Variants in SYNE2 observed in about 807,000 individuals in gnomAD.
SYNE2 encodes spectrin repeat containing nuclear envelope protein 2, also known as nesprin-2.
A neutral mutation model predicts 856.3 loss-of-function variants in SYNE2; 431 were observed. The observed-to-expected ratio is 0.50, with a 90% CI of 0.47 to 0.55. SYNE2 has a LOEUF of 0.55. Ranked by LOEUF, SYNE2 falls within the 20% of genes least tolerant of loss-of-function variation. SYNE2 has a pLI of 0.00. For synonymous variants in SYNE2, 2,923 were observed against 2,872.3 expected, an observed-to-expected ratio of 1.02 and a Z score of -0.56; for missense variants, 8,129 against 8,023.2, an observed-to-expected ratio of 1.01 and a Z score of -0.50.
intron 27 of SYNE2, 94 bp from the exon 28 acceptor site, chr14:64,000,468 T>C (rs1381824124): frequency 1.2e-5 from 14 of 1,161,158 alleles, no homozygotes; most frequent in Non-Finnish European, 1.8e-5. Flanking sequence ...TTGTGTTTGC[T>C]TCCACAGTTG....
At chr14:64,138,912 T>TTG (rs143789075) in intron 79 of SYNE2, among the ~76,000 whole-genome samples, 23,557 of 144,218 alleles carry the variant, frequency 0.16, 2,151 homozygotes, top group East Asian at 0.35. Flanking sequence ...CAAATGCTGG[T>TTG]TGTGTGTGTG....
chr14:63,867,311 A>G (rs1895615485), intron 1 of SYNE2, among the ~76,000 whole-genome samples: 1 of 152,046 alleles, frequency 6.6e-6, no homozygotes, highest in African/African-American at 2.4e-5. Flanking sequence ...TAACAGATTA[A>G]TATAGTTACC....
Position 64,223,339 on chromosome 14 carries a change from G to A in SYNE2, c.20341G>A (p.Glu6781Lys). The A allele has an allele frequency of 6.2e-7, 1 of 1,614,118 alleles. No individual in the cohort carries two copies. Among genetic ancestry groups the A allele is most frequent in the Non-Finnish European group, 8.5e-7 (1 of 1,180,004 alleles). The part of the protein sequence containing the change: ...VIEKKLKQLR[E>K]QVSQDLMALQ... ...TGAGAAGAAACTCAAACAGTTACGG[G>A]AGCAAGTGTCCCAAGATTTAATGGC... The change falls in exon 113 of 116, where the codon GAG becomes AAG. Residue 6781 changes from glutamate to lysine, a missense_variant. By Grantham distance (56) the Glu-to-Lys change is moderately conservative. Coordinates refer to ENST00000555002, the MANE Select transcript of SYNE2 (RefSeq NM_182914.3).
intron 100 of SYNE2, among the ~76,000 whole-genome samples, chr14:64,206,192 A>G (rs903262710): frequency 1.3e-5 from 2 of 152,004 alleles, no homozygotes; most frequent in African/African-American, 4.8e-5. Context: ...TTCCTCCCCA[A>G]CCTCAGGGTT....
Position 64,219,426 on chromosome 14 carries a change from G to A in SYNE2, c.19860+16G>A. The A allele has an allele frequency of 6.2e-7, 1 of 1,613,070 alleles. No homozygotes were observed. The highest frequency in any genetic ancestry group is 1.1e-5 in the South Asian group (1 of 90,992). On this transcript the variant is annotated intron_variant, in intron 110 of 115. Transcript: ENST00000555002. ...GAGACTGCAGGTGAGTTAGAGGTGT[G>A]GTGGGGAAGAGGGATTCAGAATGTG...
intron 1 of SYNE2, among the ~76,000 whole-genome samples, chr14:63,771,742 A>G (rs531632409): frequency 5.6e-4 from 85 of 152,212 alleles, no homozygotes; most frequent in Non-Finnish European, 9.7e-4. Context: ...TACTAAAAAA[A>G]TAACGAAAAT....
intron 6 of SYNE2, among the ~76,000 whole-genome samples, chr14:63,943,540 A>G (rs1012370964): frequency 4.6e-5 from 7 of 152,298 alleles, no homozygotes; most frequent in African/African-American, 1.7e-4. Context: ...ATGGAATAAT[A>G]TGCATGAGAT....
chr14:63,994,019 T>C, intron 22 of SYNE2, 50 bp downstream of exon 22: 2 of 1,595,718 alleles, frequency 1.3e-6, no homozygotes, highest in Non-Finnish European at 1.7e-6. Context: ...TGTCTGATCC[T>C]GGGCTGTTGG....
chr14:63,997,273 T>A (rs1594758389), intron 24 of SYNE2, 28 bp from the exon 25 acceptor site: 1 of 1,605,160 alleles, frequency 6.2e-7, no homozygotes. Context: ...TACCCTCTTT[T>A]AAACATGCAA....
Position 64,009,978 on chromosome 14 carries a change from T to C in SYNE2, c.4590T>C (p.Cys1530=). 5.0e-6 allele frequency: 8 copies of C among 1,613,760 alleles called. No individual in the cohort carries two copies. The highest frequency in any genetic ancestry group is 6.8e-6 in the Non-Finnish European group (8 of 1,179,854). The change falls in exon 32 of 116, where the codon TGT becomes TGC. Residue 1530 remains cysteine, a synonymous_variant. Transcript: ENST00000555002. ...KALVTECLEQ[C]GRVLELLKQY... is the part of the protein sequence containing the mutation. ...TTTCTATTCTTAGTCTTGAACAATG[T>C]GGGAGAGTTTTGGAGCTCTTAAAAC...
In SYNE2 at chr14:64,022,911, A is replaced by G. The variant is rs754146980; in HGVS notation, c.5637+48A>G. ...TAATAAAAATTTTCAATACTAAAAT[A>G]CTGGAGGCATAGAACTGTATCAAAA... On this transcript the variant is annotated intron_variant, in intron 38 of 115. Coordinates refer to ENST00000555002, the MANE Select transcript of SYNE2 (RefSeq NM_182914.3). 1.0e-5 allele frequency: 10 copies of G among 957,124 alleles called. No individual in the cohort carries two copies. In the African/African-American group the frequency reaches 1.6e-4, roughly 16 times the overall value. 59.3% of individuals were successfully genotyped at this position (957,124 alleles called of 1,614,324 possible).
intron 64 of SYNE2, 74 bp downstream of exon 64, chr14:64,102,116 A>C: frequency 9.3e-7 from 1 of 1,076,300 alleles, no homozygotes. Context: ...TTTCTGCACG[A>C]CTTTCTTTCC....
intron 87 of SYNE2, 50 bp downstream of exon 87, chr14:64,159,492 T>G (rs756135801): frequency 6.2e-7 from 1 of 1,601,266 alleles, no homozygotes; most frequent in South Asian, 1.1e-5. Flanking sequence ...TCTTAATGAC[T>G]TGTGAAGAAT....
chr14:63,899,895 A>G (rs1426840609), intron 1 of SYNE2, among the ~76,000 whole-genome samples: 1 of 152,260 alleles, frequency 6.6e-6, no homozygotes, highest in African/African-American at 2.4e-5. Flanking sequence ...TTCACAGATT[A>G]TAATAAATAC....
chr14:63,783,706 A>C (rs915509415), intron 1 of SYNE2, among the ~76,000 whole-genome samples: 3 of 152,204 alleles, frequency 2.0e-5, no homozygotes, highest in Non-Finnish European at 4.4e-5. Context: ...GCAGTTCCAG[A>C]CTAAAAGAGA....
chr14:64,209,126 C>G (rs777083189), intron 101 of SYNE2, 181 bp downstream of exon 101: 11 of 928,546 alleles, frequency 1.2e-5, no homozygotes, highest in Non-Finnish European at 1.8e-5. Flanking sequence ...AGTAATGTCT[C>G]TCCCCAGCTG....
chr14:64,050,537 T>C (rs559211542), intron 47 of SYNE2, among the ~76,000 whole-genome samples: 5 of 152,306 alleles, frequency 3.3e-5, no homozygotes, highest in African/African-American at 1.2e-4. Flanking sequence ...CTAAACTATG[T>C]GGGCAGGGGA....
chr14:63,878,802 C>T (rs966311712), intron 1 of SYNE2, among the ~76,000 whole-genome samples: 1 of 152,202 alleles, frequency 6.6e-6, no homozygotes, highest in African/African-American at 2.4e-5. Context: ...ACCTTGGCCT[C>T]CCAAAGTGTT....
chr14:64,210,903 T>C (rs886908184), intron 103 of SYNE2, among the ~76,000 whole-genome samples: 1 of 152,072 alleles, frequency 6.6e-6, no homozygotes, highest in Non-Finnish European at 1.5e-5. Context: ...CCTAGACAAC[T>C]CCCTTGCATT....
Sources: allele counts gnomAD v4.1 joint callset (sites outside exome capture counted in the v4.1 genomes callset), GRCh38; gene constraint gnomAD v4.1.1; transcripts MANE v1.5; gene names NCBI Gene and HGNC (gene_info 2026-07-23, HGNC 2026-07-21).